The following INVS variants were observed in gnomAD, a reference collection of about 807,000 sequenced individuals.
The protein encoded by INVS is inversin.
INVS carries 86 observed loss-of-function variants against 108.8 expected under a neutral mutation model. The ratio of observed to expected loss-of-function variants is 0.79; its 90% CI spans 0.66 to 0.95. The LOEUF (loss-of-function observed/expected upper bound fraction) is 0.95, where lower values mean the gene tolerates loss of function less well. Ranked by LOEUF, INVS falls within the 40% of genes least tolerant of loss-of-function variation. The pLI is 0.00. For synonymous variants in INVS, 455 were observed against 473.5 expected (o/e 0.96, Z 0.51); for missense variants, 1,169 against 1,297.4 (o/e 0.90, Z 1.52).
chr9:100,140,506 A>C (rs1232968266), intron 3 of INVS, among the ~76,000 whole-genome samples: 15 of 152,212 alleles, frequency 9.9e-5, no homozygotes, highest in Admixed American at 9.8e-4. Context: ...GAATGTCATC[A>C]GTTAAGGCAG....
chr9:100,100,024 A>G (rs188106650), intron 1 of INVS, among the ~76,000 whole-genome samples: 1 of 152,246 alleles, frequency 6.6e-6, no homozygotes, highest in East Asian at 1.9e-4. Context: ...CTTTAGTCCT[A>G]ATCAGAATTA....
chr9:100,297,314 C>T (rs1425243146), intron 15 of INVS, among the ~76,000 whole-genome samples, 168 bp downstream of exon 15: 1 of 152,102 alleles, frequency 6.6e-6, no homozygotes, highest in African/African-American at 2.4e-5. Context: ...TAATTTTGCA[C>T]CAACCTAATA....
chr9:100,285,125 A>C (rs1002690185), intron 13 of INVS, among the ~76,000 whole-genome samples: 2 of 152,202 alleles, frequency 1.3e-5, no homozygotes, highest in Non-Finnish European at 2.9e-5. Flanking sequence ...GCTAGCAACA[A>C]ATTCTTTCAG....
intron 11 of INVS, among the ~76,000 whole-genome samples, chr9:100,272,639 T>C (rs74481730): frequency 2.9e-3 from 445 of 152,200 alleles, no homozygotes; most frequent in Non-Finnish European, 4.9e-3. Flanking sequence ...GGAACTGACA[T>C]GGTTAGCAGC....
At chr9:100,288,868 C>T (rs954504047) in intron 13 of INVS, among the ~76,000 whole-genome samples, 2 of 152,132 alleles carry the variant, frequency 1.3e-5, no homozygotes, top group African/African-American at 4.8e-5. Flanking sequence ...TCAAGCAAAC[C>T]ACCTGCCTTG....
chr9:100,266,561 G>A (rs892203261), intron 11 of INVS, among the ~76,000 whole-genome samples: 1 of 152,156 alleles, frequency 6.6e-6, no homozygotes, highest in African/African-American at 2.4e-5. Context: ...CTCCATCTTG[G>A]TTTTGGTGGG....
At chr9:100,280,642 T>A (rs1833246923) in intron 12 of INVS, among the ~76,000 whole-genome samples, 1 of 152,258 alleles carries the variant, frequency 6.6e-6, no homozygotes, top group South Asian at 2.1e-4. Flanking sequence ...TTTCTGATTT[T>A]TTTTCTAAAC....
rs1831816293 is a variant in INVS at position 100,240,059 on chromosome 9, G to A, written c.616-1G>A. The A allele has an allele frequency of 6.2e-7, 1 of 1,613,704 alleles. No individual in the cohort carries two copies. The highest frequency in any genetic ancestry group is 1.1e-5 in the South Asian group (1 of 91,076). ...TGAAGTCTCTGGTTCCTTCAAATCA[G>A]GATGCTGCTCCAACAGAGTCTTTAC... On this transcript the variant is annotated splice_acceptor_variant, in intron 5 of 16. Transcript: ENST00000262457. LOFTEE classifies it high-confidence loss of function.
At chr9:100,268,041 C>T (rs1021724348) in intron 11 of INVS, among the ~76,000 whole-genome samples, 2 of 151,980 alleles carry the variant, frequency 1.3e-5, no homozygotes, top group African/African-American at 4.8e-5. Flanking sequence ...CGATCCCGAC[C>T]CCAAGAGAGG....
chr9:100,100,653 TAA>T (rs1491403613), intron 1 of INVS, among the ~76,000 whole-genome samples: 3 of 50,582 alleles, frequency 5.9e-5, no homozygotes, highest in African/African-American at 1.3e-4. Flanking sequence ...TATGTATATA[TAA>T]TATATATATT....
intron 3 of INVS, among the ~76,000 whole-genome samples, chr9:100,134,136 T>C (rs971985802): frequency 1.3e-5 from 2 of 152,104 alleles, no homozygotes; most frequent in Admixed American, 6.6e-5. Flanking sequence ...GTATCATTCT[T>C]AGGCCTTTGC....
At chr9:100,183,327 C>T (rs1166717152) in intron 3 of INVS, among the ~76,000 whole-genome samples, 2 of 152,032 alleles carry the variant, frequency 1.3e-5, no homozygotes, top group Non-Finnish European at 2.9e-5. Context: ...CAGGTGACAA[C>T]ATACTCTTCA....
chr9:100,129,698 G>T, intron 3 of INVS: 1 of 714,364 alleles, frequency 1.4e-6, no homozygotes, highest in South Asian at 1.5e-5. Flanking sequence ...ATCAGCACAG[G>T]CAGGATCTAA....
chr9:100,132,814 A>G (rs1450562532), intron 3 of INVS, among the ~76,000 whole-genome samples: 1 of 152,146 alleles, frequency 6.6e-6, no homozygotes, highest in East Asian at 1.9e-4. Context: ...TAGAGATAAG[A>G]AAGAACAGGG....
chr9:100,232,867 G>C (rs1406991954), intron 5 of INVS, among the ~76,000 whole-genome samples: 7 of 152,092 alleles, frequency 4.6e-5, no homozygotes, highest in African/African-American at 1.7e-4. Context: ...GAAATTTAAA[G>C]TAGTTTTTTT....
At chr9:100,157,771 A>G (rs2119001582) in intron 3 of INVS, among the ~76,000 whole-genome samples, 1 of 152,244 alleles carries the variant, frequency 6.6e-6, no homozygotes, top group East Asian at 1.9e-4. Context: ...GCAGTTCCTT[A>G]CATGTTTTAT....
chr9:100,100,806 TA>T (rs1564111844), intron 1 of INVS, among the ~76,000 whole-genome samples: 2 of 25,070 alleles, frequency 8.0e-5, no homozygotes, highest in East Asian at 1.3e-3. Context: ...AATATATGTA[TA>T]TATAATATAT....
chr9:100,227,354 A>G (rs1831360827), intron 4 of INVS, among the ~76,000 whole-genome samples: 1 of 152,182 alleles, frequency 6.6e-6, no homozygotes, highest in South Asian at 2.1e-4. Context: ...TTTTAATGTG[A>G]CAGATGAGCT....
chr9:100,224,642 A>G (rs1222668981), intron 3 of INVS, among the ~76,000 whole-genome samples: 6 of 151,434 alleles, frequency 4.0e-5, no homozygotes, highest in Admixed American at 3.9e-4. Context: ...TTTGAAATGG[A>G]GTCCGGCTCT....
Sources: gnomAD v4.1 joint callset for allele counts (sites outside exome capture counted in the v4.1 genomes callset) on GRCh38, gnomAD v4.1.1 for gene constraint, MANE v1.5 for transcripts, NCBI Gene and HGNC (gene_info 2026-07-23, HGNC 2026-07-21) for gene names.